VTCN1: variants seen among roughly 807,000 people sequenced by gnomAD.
The protein encoded by VTCN1 is V-set domain containing T cell activation inhibitor 1.
A neutral mutation model predicts 26.5 loss-of-function variants in VTCN1; 26 were observed. The ratio of observed to expected loss-of-function variants is 0.98; its 90% confidence interval spans 0.72 to 1.36. The LOEUF (loss-of-function observed/expected upper bound fraction) is 1.36, where lower values mean the gene tolerates loss of function less well. Among genes scored for constraint, VTCN1 ranks in the 40% most tolerant of loss-of-function variants. The pLI is 0.00. For synonymous variants in VTCN1, 116 were observed against 130.7 expected (o/e 0.89, Z 0.77); for missense variants, 298 against 337.7 (o/e 0.88, Z 0.92).
Position 117,170,140 on chromosome 1 carries a change from C to T in VTCN1, c.64G>A (p.Ala22Thr), listed in dbSNP as rs1304330970. 1 of 1,613,892 alleles carries T rather than the reference C, an allele frequency of 6.2e-7. No individual in the cohort carries two copies. Among genetic ancestry groups the T allele is most frequent in the Admixed American group, 1.7e-5 (1 of 60,022 alleles). ...CCAAAGCCAATGATGAGTGCAATTG[C>T]TCCAGCCAGAATAATGATGATGCTA... ...IISIIIILAG[A>T]IALIIGFGIS... The change falls in exon 2 of 6, where the codon GCA (alanine) becomes ACA (threonine). Residue 22 changes from alanine to threonine, a missense_variant. Transcript: ENST00000369458.
intron 4 of VTCN1, among the ~76,000 whole-genome samples, chr1:117,150,394 G>A (rs1166605705): frequency 6.6e-5 from 10 of 152,222 alleles, no homozygotes; most frequent in Admixed American, 3.9e-4. Context: ...TGGGATTTAA[G>A]TTCCTGGTTC....
At chr1:117,153,480 T>TA (rs1329406087) in intron 3 of VTCN1, 111 bp from the exon 4 acceptor site, 161 of 1,146,748 alleles carry the variant, frequency 1.4e-4, no homozygotes, top group Non-Finnish European at 1.8e-4. Flanking sequence ...TTTTTTTTTT[T>TA]ATCATTGAAG....
intron 1 of VTCN1, among the ~76,000 whole-genome samples, chr1:117,184,459 T>A (rs1264475091): frequency 6.6e-6 from 1 of 152,188 alleles, no homozygotes; most frequent in Non-Finnish European, 1.5e-5. Flanking sequence ...AAATTTATAA[T>A]CAGGAAAACT....
At chr1:117,207,792 C>G (rs1364499148) in intron 1 of VTCN1, among the ~76,000 whole-genome samples, 1 of 152,170 alleles carries the variant, frequency 6.6e-6, no homozygotes, top group South Asian at 2.1e-4. Context: ...TACTCTTATT[C>G]TGCAGCATCC....
At chr1:117,172,176 T>C (rs1652954750) in intron 1 of VTCN1, among the ~76,000 whole-genome samples, 1 of 152,112 alleles carries the variant, frequency 6.6e-6, no homozygotes, top group African/African-American at 2.4e-5. Context: ...AACGATGCTA[T>C]AGAGAGAAAA....
At position 117,143,874 on chromosome 1, in the gene VTCN1, G is replaced by A. The variant is rs879430518; in HGVS notation, c.*1397C>T. 1.3e-5 allele frequency: 2 copies of A among 152,228 alleles called. No individual in the cohort carries two copies. Among genetic ancestry groups the A allele is most frequent in the African/African-American group, 2.4e-5 (1 of 41,462 alleles). 9.4% of individuals were successfully genotyped at this position (152,228 alleles called of 1,614,324 possible). A position where few individuals can be genotyped will look rare whatever the true frequency, so the allele number is the denominator to read the frequency against. ...TTAATTTGAATTGTGGCCAGGCAGG[G>A]TCTGGAGATCTAAATTCAGAGTAAG... is the stretch of plus-strand genomic sequence containing the variant. On this transcript the variant is annotated 3_prime_UTR_variant, in exon 6 of 6. Transcript: ENST00000369458.
intron 1 of VTCN1, among the ~76,000 whole-genome samples, chr1:117,204,046 G>C (rs145375103): frequency 6.6e-6 from 1 of 152,136 alleles, no homozygotes; most frequent in Non-Finnish European, 1.5e-5. Context: ...CTAGAAAGAC[G>C]ATGTCTGAGT....
intron 1 of VTCN1, among the ~76,000 whole-genome samples, chr1:117,186,848 C>G (rs1188263981): frequency 2.7e-5 from 4 of 148,092 alleles, no homozygotes; most frequent in African/African-American, 1.0e-4. Context: ...GGCAACATAC[C>G]TGGTCTCCAT....
At position 117,147,816 on chromosome 1, in the gene VTCN1, A is replaced by C; in HGVS notation, c.725-34T>G. ...TGAGAGAAAAAGTTTAGGGTCATACAGGAGAAGCTGGATGTCTTCTTCACA... is the reference window on the plus strand; with the variant it reads ...TGAGAGAAAAAGTTTAGGGTCATACCGGAGAAGCTGGATGTCTTCTTCACA... On this transcript the variant is annotated intron_variant, in intron 4 of 5. Transcript: ENST00000369458. The surrounding 1 kb of genome is among the most constrained non-coding windows in gnomAD (Gnocchi z 4.6). 2.5e-6 allele frequency: 4 copies of C among 1,603,286 alleles called. No individual in the cohort carries two copies. Among genetic ancestry groups the C allele is most frequent in the Admixed American group, 1.7e-5 (1 of 57,592 alleles).
At chr1:117,206,874 T>A (rs1231246825) in intron 1 of VTCN1, among the ~76,000 whole-genome samples, 1 of 152,188 alleles carries the variant, frequency 6.6e-6, no homozygotes, top group Admixed American at 6.5e-5. Context: ...CCTATTTAAG[T>A]CTTTCTTCCA....
chr1:117,163,127 G>T (rs919207539), intron 2 of VTCN1, among the ~76,000 whole-genome samples: 9 of 152,212 alleles, frequency 5.9e-5, no homozygotes, highest in African/African-American at 2.2e-4. Context: ...AAGACGGTGG[G>T]GTGGGGAGAA....
chr1:117,205,985 T>C (rs1238474702), intron 1 of VTCN1, among the ~76,000 whole-genome samples: 1 of 152,116 alleles, frequency 6.6e-6, no homozygotes, highest in Non-Finnish European at 1.5e-5. Flanking sequence ...CCCAGATGCA[T>C]CTCACCCACC....
rs1051620769 is a variant in VTCN1 at position 117,147,657 on chromosome 1, A to G, written c.*1T>C. 1.2e-6 allele frequency: 2 copies of G among 1,612,770 alleles called. No homozygotes were observed. Among genetic ancestry groups the G allele is most frequent in the South Asian group, 1.1e-5 (1 of 90,838 alleles). Reference sequence around the variant, plus strand: ...GCATGCTTTTTTGTGGCCGAGGCACATTATTTTAGCATCAGGTAAGGGCTG... The same window carrying G: ...GCATGCTTTTTTGTGGCCGAGGCACGTTATTTTAGCATCAGGTAAGGGCTG... On this transcript the variant is annotated 3_prime_UTR_variant, in exon 5 of 6. Coordinates refer to ENST00000369458, the MANE Select transcript of VTCN1 (RefSeq NM_024626.4). This position sits in a 1 kb window ranked among gnomAD's most constrained non-coding sequence, Gnocchi z 4.6.
chr1:117,168,338 T>C (rs1652719962), intron 2 of VTCN1, among the ~76,000 whole-genome samples: 1 of 152,188 alleles, frequency 6.6e-6, no homozygotes, highest in Admixed American at 6.6e-5. Context: ...TCAGTAGTGG[T>C]GCTGGGTTTA....
chr1:117,198,965 G>A (rs990371686), intron 1 of VTCN1, among the ~76,000 whole-genome samples: 1 of 152,114 alleles, frequency 6.6e-6, no homozygotes, highest in Non-Finnish European at 1.5e-5. Flanking sequence ...GGCATTCCTG[G>A]AAAGTAAAAA....
At position 117,155,611 on chromosome 1, in the gene VTCN1, A is replaced by G. The variant is rs1167236217; in HGVS notation, c.445+963T>C. On this transcript the variant is annotated intron_variant, in intron 3 of 5. Transcript: ENST00000369458. The surrounding 1 kb of genome is among the most constrained non-coding windows in gnomAD (Gnocchi z 4.8). ...CCCTTTGACATGACCCCATTTTAAG[A>G]TGAAGAAACTGAGGCTCAGAGAGAT... Among the ~76,000 whole-genome samples the G allele has an allele frequency of 1.1e-4, 17 of 152,124 alleles. No individual in the cohort carries two copies. The highest frequency in any genetic ancestry group is 1.0e-3 in the Admixed American group (16 of 15,266).
At chr1:117,203,902 T>C in intron 1 of VTCN1, 1 of 463,522 alleles carries the variant, frequency 2.2e-6, no homozygotes, top group Non-Finnish European at 2.8e-6. Flanking sequence ...TCTCTAATAG[T>C]TCCCAGGTGA....
rs755103637 is a variant in VTCN1 at position 117,147,725 on chromosome 1, C to T, written c.782G>A (p.Cys261Tyr). The change falls in exon 5 of 6, where the codon TGT (cysteine) becomes TAT (tyrosine). Residue 261 changes from cysteine (C) to tyrosine (Y), a missense_variant. By Grantham distance (194) the Cys-to-Tyr change is radical. Coordinates refer to ENST00000369458, the MANE Select transcript of VTCN1 (RefSeq NM_024626.4). This position sits in a 1 kb window ranked among gnomAD's most constrained non-coding sequence, Gnocchi z 4.6. ...LQLLNSKASL[C>Y]VSSFFAISWA... is the part of the protein sequence containing the mutation. ...GCTGATGGCAAAGAAAGAAGAGACACACAGAGAAGCCTTTGAGTTTAGCAG... is the reference window on the plus strand; with the variant it reads ...GCTGATGGCAAAGAAAGAAGAGACATACAGAGAAGCCTTTGAGTTTAGCAG... 6.2e-7 allele frequency: 1 copy of T among 1,614,026 alleles called. No homozygotes were observed. Among genetic ancestry groups the T allele is most frequent in the South Asian group, 1.1e-5 (1 of 91,078 alleles).
Position 117,153,328 on chromosome 1 carries a change from A to AGCT in VTCN1, c.484_486dup (p.Ser163dup), listed in dbSNP as rs1394425982. On this transcript the variant is annotated inframe_insertion, in exon 4 of 6. Transcript: ENST00000369458. ...GGAGCCTCACACCGCAAGGTCTCTG[A>AGCT]GCTGGCATTATAGTCCACATTCACT... 6.2e-7 allele frequency: 1 copy of AGCT among 1,613,724 alleles called. No individual in the cohort carries two copies.
Sources: gnomAD v4.1 joint callset for allele counts (sites outside exome capture counted in the v4.1 genomes callset) on GRCh38, gnomAD v4.1.1 for gene constraint, Gnocchi (gnomAD v3.1) non-coding constraint, MANE v1.5 for transcripts, NCBI Gene and HGNC (gene_info 2026-07-23, HGNC 2026-07-21) for gene names.